Variants in RBMS3 observed in about 807,000 individuals in gnomAD.
RBMS3 encodes RNA-binding motif, single-stranded-interacting protein 3.
A neutral mutation model predicts 66.8 loss-of-function variants in RBMS3; 27 were observed. That is an observed-to-expected ratio of 0.40 (90% CI 0.30 to 0.56). The LOEUF is 0.56. Ranked by LOEUF, RBMS3 falls within the 20% of genes least tolerant of loss-of-function variation. RBMS3 has a pLI of 0.40. For synonymous variants in RBMS3, 188 were observed against 183.0 expected (o/e 1.03, Z -0.22); for missense variants, 513 against 549.5 (o/e 0.93, Z 0.66).
At chr3:29,649,752 A>G (rs1014398496) in intron 4 of RBMS3, among the ~76,000 whole-genome samples, 3 of 152,230 alleles carry the variant, frequency 2.0e-5, no homozygotes, top group Admixed American at 2.0e-4. Flanking sequence ...TAACTTCCAC[A>G]TGAAAACATT....
At chr3:29,381,230 TC>T (rs2038751881) in intron 1 of RBMS3, among the ~76,000 whole-genome samples, 1 of 152,198 alleles carries the variant, frequency 6.6e-6, no homozygotes, top group African/African-American at 2.4e-5. Flanking sequence ...ATAGTCACTT[TC>T]CTGCAATCAT....
intron 3 of RBMS3, among the ~76,000 whole-genome samples, chr3:29,517,159 G>A (rs950283358): frequency 3.3e-5 from 5 of 151,974 alleles, no homozygotes; most frequent in East Asian, 1.9e-4. Context: ...GCTGCAGAGC[G>A]TTTTGGTTGC....
At chr3:29,915,606 T>C (rs2060620965) in intron 10 of RBMS3, among the ~76,000 whole-genome samples, 1 of 151,978 alleles carries the variant, frequency 6.6e-6, no homozygotes, top group Non-Finnish European at 1.5e-5. Flanking sequence ...GATTTAACTT[T>C]CCTTCATGTC....
At chr3:29,911,214 G>T (rs2060504953) in intron 10 of RBMS3, among the ~76,000 whole-genome samples, 1 of 152,016 alleles carries the variant, frequency 6.6e-6, no homozygotes, top group Admixed American at 6.6e-5. Context: ...CAGGCAGGAA[G>T]GGTGCTCTGA....
chr3:29,515,410 T>G (rs1242253720), intron 3 of RBMS3, among the ~76,000 whole-genome samples: 2 of 152,094 alleles, frequency 1.3e-5, no homozygotes, highest in Non-Finnish European at 2.9e-5. Context: ...GTAAAGAGCT[T>G]GTTATAAAGG....
chr3:29,318,067 T>C (rs1453176489), intron 1 of RBMS3, among the ~76,000 whole-genome samples: 1 of 151,880 alleles, frequency 6.6e-6, no homozygotes, highest in East Asian at 1.9e-4. Flanking sequence ...TTTGGGATCA[T>C]GTTAAACACT....
chr3:29,315,472 G>A (rs2034617758), intron 1 of RBMS3, among the ~76,000 whole-genome samples: 1 of 151,654 alleles, frequency 6.6e-6, no homozygotes, highest in Non-Finnish European at 1.5e-5. Flanking sequence ...TTGTGCACAT[G>A]TATATACACA....
intron 1 of RBMS3, among the ~76,000 whole-genome samples, chr3:29,357,399 A>T (rs1429366631): frequency 1.3e-5 from 2 of 152,066 alleles, no homozygotes; most frequent in Non-Finnish European, 2.9e-5. Flanking sequence ...TATAGCAGCA[A>T]AGTATTCCAT....
chr3:29,604,209 A>G (rs1430155844), intron 4 of RBMS3, among the ~76,000 whole-genome samples: 2 of 151,874 alleles, frequency 1.3e-5, no homozygotes, highest in African/African-American at 2.4e-5. Context: ...GCTCTCCATA[A>G]TTATTTTTTA....
At chr3:29,915,642 G>A (rs1189839458) in intron 10 of RBMS3, among the ~76,000 whole-genome samples, 2 of 151,880 alleles carry the variant, frequency 1.3e-5, no homozygotes, top group Non-Finnish European at 2.9e-5. Flanking sequence ...AGTTCAAACC[G>A]AAATTGTCAA....
At chr3:29,676,390 G>A (rs527316332) in intron 4 of RBMS3, among the ~76,000 whole-genome samples, 22 of 152,154 alleles carry the variant, frequency 1.4e-4, no homozygotes, top group Admixed American at 3.3e-4. Context: ...AAACCTGCAC[G>A]TTGTGCACAT....
chr3:29,727,404 G>T (rs968915261), intron 4 of RBMS3, among the ~76,000 whole-genome samples: 12 of 152,062 alleles, frequency 7.9e-5, no homozygotes, highest in Non-Finnish European at 8.8e-5. Context: ...CACAGCAAAA[G>T]AAACTATCAT....
chr3:29,949,186 G>A (rs1010945733), intron 12 of RBMS3, among the ~76,000 whole-genome samples: 3 of 151,082 alleles, frequency 2.0e-5, no homozygotes, highest in Non-Finnish European at 4.4e-5. Context: ...ATTTAGCCCA[G>A]GTTGTTTTTT....
chr3:29,407,685 T>C (rs947688611), intron 1 of RBMS3, among the ~76,000 whole-genome samples: 3 of 152,160 alleles, frequency 2.0e-5, no homozygotes, highest in African/African-American at 7.2e-5. Flanking sequence ...TGAGTTAGGC[T>C]TGAGCATTAC....
chr3:29,714,513 T>C (rs1160735768), intron 4 of RBMS3, among the ~76,000 whole-genome samples: 1 of 152,120 alleles, frequency 6.6e-6, no homozygotes, highest in Non-Finnish European at 1.5e-5. Context: ...GGATTGGAGA[T>C]ATGACTTACA....
intron 1 of RBMS3, among the ~76,000 whole-genome samples, chr3:29,337,653 A>T (rs535471390): frequency 6.6e-6 from 1 of 152,206 alleles, no homozygotes; most frequent in African/African-American, 2.4e-5. Flanking sequence ...GTCTAATTTT[A>T]AAAAAAGACT....
At chr3:29,553,080 T>A (rs2046231332) in intron 3 of RBMS3, among the ~76,000 whole-genome samples, 1 of 152,194 alleles carries the variant, frequency 6.6e-6, no homozygotes, top group South Asian at 2.1e-4. Flanking sequence ...CGTTCATATC[T>A]GTGAATTGCT....
At chr3:29,999,690 T>C (rs1699484678) in intron 14 of RBMS3, among the ~76,000 whole-genome samples, 1 of 151,158 alleles carries the variant, frequency 6.6e-6, no homozygotes, top group Non-Finnish European at 1.5e-5. Flanking sequence ...TTCTCACTCA[T>C]AGGTGGGAAT....
intron 1 of RBMS3, among the ~76,000 whole-genome samples, chr3:29,369,385 A>G (rs1350886273): frequency 6.6e-6 from 1 of 151,790 alleles, no homozygotes; most frequent in African/African-American, 2.4e-5. Context: ...CATTACTTTC[A>G]ATGGCAAAAA....
Sources: allele counts gnomAD v4.1 joint callset (sites outside exome capture counted in the v4.1 genomes callset), GRCh38; gene constraint gnomAD v4.1.1; transcripts MANE v1.5; gene names NCBI Gene and HGNC (gene_info 2026-07-23, HGNC 2026-07-21).